Variants in YWHAZ observed in about 807,000 individuals in gnomAD.
YWHAZ encodes 14-3-3 protein zeta/delta.
For synonymous variants in YWHAZ, 87 were observed against 103.6 expected (o/e 0.84, Z 0.97); for missense variants, 79 against 284.8 (o/e 0.28, Z 5.20).
chr8:100,951,648 G>A (rs1810794900), intron 1 of YWHAZ: 15 of 985,296 alleles, frequency 1.5e-5, no homozygotes, highest in Non-Finnish European at 1.8e-5. Flanking sequence ...TCTCGCGTGT[G>A]GGCGCCCTAC....
intron 2 of YWHAZ, among the ~76,000 whole-genome samples, chr8:100,942,772 G>A (rs1258803752): frequency 6.6e-6 from 1 of 152,160 alleles, no homozygotes; most frequent in Non-Finnish European, 1.5e-5. Flanking sequence ...CAAGCAAATA[G>A]ATGGAATGAA....
intron 2 of YWHAZ, among the ~76,000 whole-genome samples, chr8:100,926,156 A>G (rs1813345307): frequency 1.3e-5 from 2 of 151,944 alleles, no homozygotes; most frequent in Admixed American, 1.3e-4. Flanking sequence ...TTATGTTCCA[A>G]TGCTGGGTAG....
chr8:100,921,717 G>A (rs1174908207), intron 5 of YWHAZ, among the ~76,000 whole-genome samples: 1 of 152,152 alleles, frequency 6.6e-6, no homozygotes, highest in African/African-American at 2.4e-5. Flanking sequence ...AATAAATGCT[G>A]GACAAAAACC....
At chr8:100,927,111 T>G (rs6468746) in intron 2 of YWHAZ, among the ~76,000 whole-genome samples, 152,354 of 152,354 alleles carry the variant, frequency 1, 76,177 homozygotes, top group Non-Finnish European at 1. Context: ...GCACTTAAAA[T>G]TTTATTTCTA....
At chr8:100,926,900 T>C (rs1327805739) in intron 2 of YWHAZ, among the ~76,000 whole-genome samples, 3 of 152,198 alleles carry the variant, frequency 2.0e-5, no homozygotes, top group Non-Finnish European at 4.4e-5. Context: ...TTTTCAAAAG[T>C]TTCATTGTTA....
intron 2 of YWHAZ, among the ~76,000 whole-genome samples, chr8:100,938,743 C>T (rs1210659995): frequency 6.6e-6 from 1 of 152,182 alleles, no homozygotes; most frequent in Non-Finnish European, 1.5e-5. Context: ...TAGATTTAAT[C>T]TCTTACTCCC....
chr8:100,951,678 G>C, intron 1 of YWHAZ: 1 of 985,322 alleles, frequency 1.0e-6, no homozygotes, highest in Non-Finnish European at 1.2e-6. Context: ...GGGGCAGGAC[G>C]GGGGAGCGAG....
At chr8:100,926,193 C>T (rs1000672491) in intron 2 of YWHAZ, among the ~76,000 whole-genome samples, 2 of 133,514 alleles carry the variant, frequency 1.5e-5, no homozygotes, top group Admixed American at 1.7e-4. Flanking sequence ...CAACTTCTTC[C>T]CCCAATTTTT....
At chr8:100,936,570 GCGGC>G in intron 2 of YWHAZ, among the ~76,000 whole-genome samples, 1 of 152,244 alleles carries the variant, frequency 6.6e-6, no homozygotes, top group South Asian at 2.1e-4. Context: ...GGAGGCTAAG[GCGGC>G]CAAATCACTT....
In YWHAZ at chr8:100,922,114, TTC is replaced by T. The variant is rs1184498356; in HGVS notation, c.679-1364_679-1363del. Among the ~76,000 whole-genome samples the T allele has an allele frequency of 6.6e-6, 1 of 152,248 alleles. No homozygotes were observed. Among genetic ancestry groups the T allele is most frequent in the Non-Finnish European group, 1.5e-5 (1 of 68,046 alleles). ...TTTTGTAATTGCAAGATGAAATTGT[TTC>T]TAATGTCTCTTTCCTGTTCTAACTT... On this transcript the variant is annotated intron_variant, in intron 5 of 5. Transcript: ENST00000395958. The surrounding 1 kb of genome is among the most constrained non-coding windows in gnomAD (Gnocchi z 4.1).
At chr8:100,942,177 A>C (rs1809917282) in intron 2 of YWHAZ, among the ~76,000 whole-genome samples, 1 of 152,224 alleles carries the variant, frequency 6.6e-6, no homozygotes, top group South Asian at 2.1e-4. Flanking sequence ...TGTCACACAA[A>C]ATGATCTTAC....
intron 2 of YWHAZ, among the ~76,000 whole-genome samples, chr8:100,947,692 G>C (rs757896426): frequency 5.9e-5 from 9 of 152,126 alleles, no homozygotes; most frequent in Non-Finnish European, 1.0e-4. Flanking sequence ...GGTTCATATA[G>C]TAAGTAACAA....
At chr8:100,930,324 C>T (rs969850888) in intron 2 of YWHAZ, among the ~76,000 whole-genome samples, 1 of 152,188 alleles carries the variant, frequency 6.6e-6, no homozygotes, top group Admixed American at 6.5e-5. Context: ...GTCTTGAACT[C>T]CTGACCTCAT....
intron 1 of YWHAZ, chr8:100,950,662 G>GGC: frequency 1.1e-6 from 1 of 908,310 alleles, no homozygotes; most frequent in East Asian, 1.2e-4. Flanking sequence ...AGCCGTGGGG[G>GGC]GGGGGGAGAG....
chr8:100,951,368 C>CCCG (rs1810759588), intron 1 of YWHAZ: 1 of 984,292 alleles, frequency 1.0e-6, no homozygotes, highest in Admixed American at 6.2e-5. Context: ...AGGGCCGGGT[C>CCCG]CCGCCGCCGC....
At chr8:100,952,668 C>T (rs1260879127), upstream of YWHAZ, 11 of 538,620 alleles carry the variant, frequency 2.0e-5, no homozygotes, top group Non-Finnish European at 2.6e-5. Flanking sequence ...TCGGCGGCTC[C>T]GGCATTGTGA....
At chr8:100,937,849 G>A (rs975500378) in intron 2 of YWHAZ, among the ~76,000 whole-genome samples, 6 of 152,296 alleles carry the variant, frequency 3.9e-5, no homozygotes, top group African/African-American at 1.4e-4. Context: ...AACAAAAATC[G>A]GCCGGGTGCA....
chr8:100,945,068 A>G (rs1485729511), intron 2 of YWHAZ, among the ~76,000 whole-genome samples: 32 of 152,152 alleles, frequency 2.1e-4, no homozygotes, highest in Non-Finnish European at 7.4e-5. Context: ...GTCCCTCCCC[A>G]ACTACCAAGA....
intron 2 of YWHAZ, among the ~76,000 whole-genome samples, chr8:100,943,048 A>G (rs567642067): frequency 2.0e-5 from 3 of 152,378 alleles, no homozygotes; most frequent in South Asian, 4.1e-4. Context: ...TATGGGAAAC[A>G]TCAACAGCTT....
Sources: gnomAD v4.1 joint callset for allele counts (sites outside exome capture counted in the v4.1 genomes callset) on GRCh38, gnomAD v4.1.1 for gene constraint, Gnocchi (gnomAD v3.1) non-coding constraint, MANE v1.5 for transcripts, NCBI Gene and HGNC (gene_info 2026-07-23, HGNC 2026-07-21) for gene names.